Variants in SLC25A26 observed in about 807,000 individuals in gnomAD.
SLC25A26 encodes the protein mitochondrial S-adenosylmethionine carrier protein.
SLC25A26 carries 36 observed loss-of-function variants against 37.8 expected under a neutral mutation model. The observed-to-expected ratio is 0.95, with a 90% CI of 0.73 to 1.26. The LOEUF is 1.26. Ranked by LOEUF, SLC25A26 falls within the 50% of genes most tolerant of loss-of-function variation. The probability of loss-of-function intolerance (pLI) is 0.00; values close to 1 mark genes in which losing one functional copy is unlikely to be tolerated. For synonymous variants in SLC25A26, 129 were observed against 122.5 expected, an observed-to-expected ratio of 1.05 and a Z score of -0.35; for missense variants, 390 against 331.1, an observed-to-expected ratio of 1.18 and a Z score of -1.38.
chr3:66,374,690 C>A (rs1194520650), intron 9 of SLC25A26, among the ~76,000 whole-genome samples: 1 of 152,140 alleles, frequency 6.6e-6, no homozygotes, highest in Non-Finnish European at 1.5e-5. Flanking sequence ...TCAAGACCAG[C>A]CTAGGCAACA....
intron 1 of SLC25A26, among the ~76,000 whole-genome samples, chr3:66,202,063 G>A (rs1246060544): frequency 1.3e-5 from 2 of 152,066 alleles, no homozygotes; most frequent in Non-Finnish European, 2.9e-5. Flanking sequence ...ACACACACAT[G>A]TATGTTTATT....
At chr3:66,365,349 G>A (rs946929661) in intron 7 of SLC25A26, among the ~76,000 whole-genome samples, 8 of 152,162 alleles carry the variant, frequency 5.3e-5, no homozygotes, top group East Asian at 1.9e-4. Context: ...ACTACTTGGC[G>A]CAAATATCCA....
chr3:66,163,193 G>A (rs769777280), intron 1 of SLC25A26, among the ~76,000 whole-genome samples: 1 of 152,198 alleles, frequency 6.6e-6, no homozygotes, highest in Non-Finnish European at 1.5e-5. Flanking sequence ...ATTTGGTGAA[G>A]TTGAATGAGA....
rs376966952 is a variant in SLC25A26 at position 66,281,322 on chromosome 3, ATGTTAAGAGGCAATC to A, written c.453+17945_453+17959del. Among the ~76,000 whole-genome samples, 572 of 152,310 alleles carry A rather than the reference ATGTTAAGAGGCAATC, an allele frequency of 3.8e-3. 4 individuals are homozygous for A. Among genetic ancestry groups the A allele is most frequent in the African/African-American group, 0.013 (554 of 41,564 alleles). On this transcript the variant is annotated intron_variant, in intron 5 of 9. Transcript: ENST00000354883. The stretch of plus-strand genomic sequence containing the variant: ...ACACTAAAGGTTCAATTATCCTTTG[ATGTTAAGAGGCAATC>A]TATGCGGTAATATTTTGAGAACAAG...
At chr3:66,174,084 A>G (rs2070539729) in intron 1 of SLC25A26, among the ~76,000 whole-genome samples, 1 of 152,112 alleles carries the variant, frequency 6.6e-6, no homozygotes, top group South Asian at 2.1e-4. Flanking sequence ...TGAAAGTCTA[A>G]CAAAACCATT....
intron 9 of SLC25A26, among the ~76,000 whole-genome samples, chr3:66,376,563 T>C (rs1219853153): frequency 6.6e-6 from 1 of 152,230 alleles, no homozygotes; most frequent in East Asian, 1.9e-4. Flanking sequence ...ATTTTAAAAT[T>C]AAGGTATGTA....
At chr3:66,306,316 G>T (rs1015961223) in intron 5 of SLC25A26, among the ~76,000 whole-genome samples, 11 of 152,166 alleles carry the variant, frequency 7.2e-5, no homozygotes, top group Admixed American at 5.2e-4. Flanking sequence ...ATTGTGAATG[G>T]CGTGAGACGG....
At chr3:66,172,199 C>T (rs1399473553) in intron 1 of SLC25A26, among the ~76,000 whole-genome samples, 3 of 151,750 alleles carry the variant, frequency 2.0e-5, no homozygotes, top group Non-Finnish European at 2.9e-5. Flanking sequence ...TCACTTGAGC[C>T]CAGAAGTTCA....
At chr3:66,235,912 T>C (rs1278926926) in intron 1 of SLC25A26, among the ~76,000 whole-genome samples, 6 of 152,136 alleles carry the variant, frequency 3.9e-5, no homozygotes, top group Non-Finnish European at 8.8e-5. Flanking sequence ...GTTGTTCTTG[T>C]TGGCTATTTA....
chr3:66,282,046 C>G (rs995694655), intron 5 of SLC25A26, among the ~76,000 whole-genome samples: 1 of 139,404 alleles, frequency 7.2e-6, no homozygotes, highest in Admixed American at 7.6e-5. Flanking sequence ...GCTCTGTCGC[C>G]CAGGCCGGAC....
upstream of SLC25A26, among the ~76,000 whole-genome samples, chr3:66,218,832 T>C (rs2071399093): frequency 6.6e-6 from 1 of 152,188 alleles, no homozygotes. Context: ...CTGCCAGTTA[T>C]GGGAGTGAGC....
rs1049608189 is a variant in SLC25A26, at chr3:66,236,694, C to A, written c.184C>A (p.Pro62Thr). Residue 62 changes from proline (P) to threonine (T), a missense_variant, in exon 2 of 10, where the codon CCT becomes ACT. By Grantham distance (38) the Pro-to-Thr change is conservative. Coordinates refer to ENST00000354883, the MANE Select transcript of SLC25A26 (RefSeq NM_001379210.1). Reference protein sequence around the residue: ...GVPSAAIGSFPNAAAFFITYE... With the variant: ...GVPSAAIGSFTNAAAFFITYE... ...TCCTTCTGCTGCTATTGGATCCTTT[C>A]CTAATGGTAAAAAATTATATTCTCA... is the stretch of plus-strand genomic sequence containing the variant. The A allele has an allele frequency of 1.3e-6, 2 of 1,508,320 alleles. No homozygotes were observed. Among genetic ancestry groups the A allele is most frequent in the Non-Finnish European group, 8.9e-7 (1 of 1,126,820 alleles). The allele number at this position is 1,508,320 out of a possible 1,614,324, so 93.4% of individuals were successfully genotyped here. A position where few individuals can be genotyped will look rare whatever the true frequency, so the allele number is the denominator to read the frequency against.
At chr3:66,312,401 G>C (rs901952317) in intron 5 of SLC25A26, among the ~76,000 whole-genome samples, 1 of 152,168 alleles carries the variant, frequency 6.6e-6, no homozygotes, top group Non-Finnish European at 1.5e-5. Flanking sequence ...CAAGCCAGTG[G>C]ATCTTAGCTT....
chr3:66,180,172 G>C (rs1374743783), intron 1 of SLC25A26, among the ~76,000 whole-genome samples: 1 of 152,176 alleles, frequency 6.6e-6, no homozygotes, highest in African/African-American at 2.4e-5. Flanking sequence ...TCCAGGAACA[G>C]ACTGGGAGGC....
intron 2 of SLC25A26, among the ~76,000 whole-genome samples, chr3:66,238,782 A>C (rs2072423834): frequency 6.6e-6 from 1 of 152,148 alleles, no homozygotes; most frequent in Non-Finnish European, 1.5e-5. Context: ...TAAGGTCTTC[A>C]TGTTGAGTAG....
At chr3:66,336,554 T>C (rs2076096281) in intron 5 of SLC25A26, among the ~76,000 whole-genome samples, 1 of 152,228 alleles carries the variant, frequency 6.6e-6, no homozygotes, top group South Asian at 2.1e-4. Context: ...TGATAGGAAT[T>C]CTGGTTTTGG....
chr3:66,299,626 A>C (rs1212819382), intron 5 of SLC25A26, among the ~76,000 whole-genome samples: 1 of 152,196 alleles, frequency 6.6e-6, no homozygotes, highest in Admixed American at 6.5e-5. Context: ...TTCTTCATGC[A>C]TGAAAATATA....
At chr3:66,184,816 A>G (rs1021261189) in intron 1 of SLC25A26, among the ~76,000 whole-genome samples, 7 of 152,020 alleles carry the variant, frequency 4.6e-5, no homozygotes, top group Non-Finnish European at 1.0e-4. Context: ...CTTAAATTTC[A>G]ACCTGTCCCT....
At chr3:66,241,224 A>G (rs1313959198) in intron 2 of SLC25A26, among the ~76,000 whole-genome samples, 2 of 151,690 alleles carry the variant, frequency 1.3e-5, no homozygotes, top group African/African-American at 2.4e-5. Context: ...TTGTCACCCA[A>G]CCCTACACAT....
Sources: allele counts gnomAD v4.1 joint callset (sites outside exome capture counted in the v4.1 genomes callset), GRCh38; gene constraint gnomAD v4.1.1; transcripts MANE v1.5; gene names NCBI Gene and HGNC (gene_info 2026-07-23, HGNC 2026-07-21).